Variants in NAV3 observed in about 807,000 individuals in gnomAD.
The protein encoded by NAV3 is pore membrane and/or filament interacting like protein 1.
A neutral mutation model predicts 244.7 loss-of-function variants in NAV3; 87 were observed. The observed-to-expected ratio is 0.36, with a 90% CI of 0.30 to 0.42. The LOEUF is 0.42. Ranked by LOEUF, NAV3 falls within the 20% of genes least tolerant of loss-of-function variation. The probability of loss-of-function intolerance (pLI) is 1.00; values close to 1 mark genes in which losing one functional copy is unlikely to be tolerated. For missense variants in NAV3, 2,663 were observed against 2,893.3 expected, an observed-to-expected ratio of 0.92 and a Z score of 1.83; for synonymous variants, 1,126 against 1,042.2, an observed-to-expected ratio of 1.08 and a Z score of -1.55.
At chr12:78,168,661 T>C (rs1428629794) in intron 23 of NAV3, 94 bp from the exon 24 acceptor site, 9 of 723,158 alleles carry the variant, frequency 1.2e-5, no homozygotes, top group Non-Finnish European at 2.0e-5. Flanking sequence ...AGGTTGTTAC[T>C]ACATAAAATC....
intron 12 of NAV3, among the ~76,000 whole-genome samples, chr12:78,061,479 T>C (rs1298481613): frequency 6.6e-6 from 1 of 152,124 alleles, no homozygotes; most frequent in Admixed American, 6.6e-5. Flanking sequence ...TATAAGTCAT[T>C]TTTAAAAGAA....
intron 39 of NAV3, among the ~76,000 whole-genome samples, chr12:78,207,017 C>T (rs1333971297): frequency 6.6e-6 from 1 of 151,836 alleles, no homozygotes; most frequent in Non-Finnish European, 1.5e-5. Context: ...CACCACCATG[C>T]CTGGCTAATT....
Position 78,006,705 on chromosome 12 carries a change from G to A in NAV3, c.1167G>A (p.Lys389=), listed in dbSNP as rs1327914281. ...AGAAATCCATGCTTGAGAAATTCAA[G>A]CTAGTCAATGCCCGGACTGCTTTAC... The part of the protein sequence containing the change: ...SGQKSMLEKF[K]LVNARTALRP... Residue 389 remains lysine (K), a synonymous_variant, in exon 8 of 40, where the codon AAG becomes AAA. Transcript: ENST00000397909. The A allele has an allele frequency of 6.2e-7, 1 of 1,614,118 alleles. No homozygotes were observed. The highest frequency in any genetic ancestry group is 8.5e-7 in the Non-Finnish European group (1 of 1,180,036).
At chr12:78,000,330 A>G (rs573923514) in intron 7 of NAV3, among the ~76,000 whole-genome samples, 2 of 152,190 alleles carry the variant, frequency 1.3e-5, no homozygotes, top group African/African-American at 4.8e-5. Flanking sequence ...GACATCTGGA[A>G]TTTGTCTTGT....
In NAV3 at chr12:78,137,257, T is replaced by C; in HGVS notation, c.4522T>C (p.Ser1508Pro). Residue 1508 changes from serine (S) to proline (P), a missense_variant, in exon 19 of 40, where the codon TCC (serine) becomes CCC (proline). Transcript: ENST00000397909. ...AAACAGCATCCCAGCCCAAGACTCT[T>C]CCTTCGATCTCTATGATGACTCCCA... ...RSNSIPAQDS[S>P]FDLYDDSQLC... The C allele has an allele frequency of 6.2e-7, 1 of 1,613,770 alleles. No individual in the cohort carries two copies. The highest frequency in any genetic ancestry group is 2.2e-5 in the East Asian group (1 of 44,870).
intron 12 of NAV3, among the ~76,000 whole-genome samples, chr12:78,113,029 G>T (rs1432577776): frequency 6.6e-6 from 1 of 152,112 alleles, no homozygotes; most frequent in African/African-American, 2.4e-5. Flanking sequence ...AATCCAATAG[G>T]GCCATTGTTA....
At chr12:77,827,255 A>C (rs1399495914), upstream of NAV3, among the ~76,000 whole-genome samples, 1 of 151,408 alleles carries the variant, frequency 6.6e-6, no homozygotes, top group Non-Finnish European at 1.5e-5. Context: ...AAAAAAAAAA[A>C]AAAAAAGTAA....
At chr12:77,800,920 T>C (rs1037289334) in intron 2 of NAV3, among the ~76,000 whole-genome samples, 8 of 152,124 alleles carry the variant, frequency 5.3e-5, no homozygotes, top group African/African-American at 1.9e-4. Context: ...TTTAAGAACA[T>C]TAGAACTCTT....
chr12:77,958,369 G>A (rs556805324), intron 3 of NAV3, among the ~76,000 whole-genome samples: 1 of 152,256 alleles, frequency 6.6e-6, no homozygotes, highest in South Asian at 2.1e-4. Context: ...TTTAATAAAT[G>A]TGTGATGAGT....
At chr12:77,789,897 C>T (rs1222087927) in intron 2 of NAV3, among the ~76,000 whole-genome samples, 1 of 149,736 alleles carries the variant, frequency 6.7e-6, no homozygotes, top group African/African-American at 2.5e-5. Context: ...TTTAAGAGAG[C>T]TTACGAATTT....
At chr12:78,116,283 G>A (rs1955373525) in intron 12 of NAV3, among the ~76,000 whole-genome samples, 1 of 152,172 alleles carries the variant, frequency 6.6e-6, no homozygotes, top group South Asian at 2.1e-4. Context: ...AAAGAATAAT[G>A]AGACTCATGC....
intron 1 of NAV3, among the ~76,000 whole-genome samples, chr12:77,938,026 G>C (rs1232374823): frequency 1.3e-5 from 2 of 152,082 alleles, no homozygotes; most frequent in Non-Finnish European, 2.9e-5. Context: ...GGGTTCCACT[G>C]GTAGTAAGTG....
At chr12:78,015,979 G>A (rs1876133472) in intron 8 of NAV3, among the ~76,000 whole-genome samples, 1 of 151,984 alleles carries the variant, frequency 6.6e-6, no homozygotes. Flanking sequence ...AACTTACTTT[G>A]ATGCTTAATT....
intron 2 of NAV3, among the ~76,000 whole-genome samples, chr12:77,772,788 G>A (rs138358270): frequency 2.0e-5 from 3 of 152,210 alleles, no homozygotes; most frequent in Admixed American, 6.5e-5. Context: ...TAGAATGACC[G>A]TCAATGGCCA....
At chr12:78,033,667 C>CA (rs1015467091) in intron 9 of NAV3, among the ~76,000 whole-genome samples, 2 of 152,106 alleles carry the variant, frequency 1.3e-5, no homozygotes, top group Admixed American at 6.5e-5. Flanking sequence ...AAGTTAATAA[C>CA]AATATCTTTG....
At chr12:77,965,573 C>T (rs150734189) in intron 3 of NAV3, among the ~76,000 whole-genome samples, 75 of 152,208 alleles carry the variant, frequency 4.9e-4, no homozygotes, top group Middle Eastern at 3.4e-3. Flanking sequence ...GAGCCAAGAT[C>T]GTGCCACTGC....
intron 30 of NAV3, among the ~76,000 whole-genome samples, chr12:78,183,456 C>A (rs1245022480): frequency 1.3e-5 from 2 of 151,896 alleles, no homozygotes; most frequent in Non-Finnish European, 2.9e-5. Context: ...CATTTTATAG[C>A]TGAGGAAGCC....
chr12:78,141,896 G>A (rs2139095856), intron 20 of NAV3, among the ~76,000 whole-genome samples: 1 of 152,154 alleles, frequency 6.6e-6, no homozygotes, highest in East Asian at 1.9e-4. Context: ...ATCAAAAGAT[G>A]TAGCATCATT....
intron 2 of NAV3, among the ~76,000 whole-genome samples, chr12:77,690,971 TTTC>T (rs1392582885): frequency 6.6e-6 from 1 of 150,882 alleles, no homozygotes; most frequent in African/African-American, 2.4e-5. Flanking sequence ...GCTCTTAATT[TTTC>T]TTCTTTATAT....
Sources: allele counts gnomAD v4.1 joint callset (sites outside exome capture counted in the v4.1 genomes callset), GRCh38; gene constraint gnomAD v4.1.1; transcripts MANE v1.5; gene names NCBI Gene and HGNC (gene_info 2026-07-23, HGNC 2026-07-21).